Variants in SLC24A2 observed in about 807,000 individuals in gnomAD.
SLC24A2 encodes sodium/potassium/calcium exchanger 2.
A neutral mutation model predicts 62.0 loss-of-function variants in SLC24A2; 36 were observed. The ratio of observed to expected loss-of-function variants is 0.58; its 90% CI spans 0.44 to 0.77. SLC24A2 has a LOEUF of 0.77. Ranked by LOEUF, SLC24A2 falls within the 30% of genes least tolerant of loss-of-function variation. The pLI is 0.00. For synonymous variants in SLC24A2, 358 were observed against 294.0 expected, an observed-to-expected ratio of 1.22 and a Z score of -2.23; for missense variants, 846 against 817.9, an observed-to-expected ratio of 1.03 and a Z score of -0.42.
intron 4 of SLC24A2, among the ~76,000 whole-genome samples, chr9:19,610,624 T>C (rs1837129814): frequency 6.6e-6 from 1 of 152,186 alleles, no homozygotes. Context: ...ATATATTCCA[T>C]TATGCAGCAA....
chr9:19,965,165 T>C, the SLC24A2 span, among the ~76,000 whole-genome samples: 7 of 151,944 alleles, frequency 4.6e-5, no homozygotes, highest in African/African-American at 1.7e-4. Context: ...GTAGAAGTAA[T>C]ACCATAACCA....
chr9:19,694,108 T>A (rs371979186), intron 2 of SLC24A2, among the ~76,000 whole-genome samples: 1 of 147,618 alleles, frequency 6.8e-6, no homozygotes, highest in East Asian at 1.9e-4. Flanking sequence ...AAAAAAAAAA[T>A]CCCAAATCTT....
chr9:19,977,040 T>C, the SLC24A2 span, among the ~76,000 whole-genome samples: 4 of 152,062 alleles, frequency 2.6e-5, no homozygotes, highest in Admixed American at 2.0e-4. Flanking sequence ...ATATATGCAA[T>C]ATGTATTTTT....
chr9:19,680,851 TTGTGTGTGTGTG>T (rs72142691), intron 2 of SLC24A2, among the ~76,000 whole-genome samples: 15 of 147,074 alleles, frequency 1.0e-4, no homozygotes, highest in Middle Eastern at 3.4e-3. Context: ...TATACCAGAG[TTGTGTGTGTGTG>T]TGTGTGTGTG....
At chr9:19,651,006 C>T (rs917629468) in intron 2 of SLC24A2, among the ~76,000 whole-genome samples, 1 of 152,086 alleles carries the variant, frequency 6.6e-6, no homozygotes, top group African/African-American at 2.4e-5. Context: ...ATCTATACTC[C>T]TCACAGATAA....
At chr9:19,775,675 A>C (rs1337129431) in intron 2 of SLC24A2, among the ~76,000 whole-genome samples, 1 of 152,212 alleles carries the variant, frequency 6.6e-6, no homozygotes, top group African/African-American at 2.4e-5. Flanking sequence ...TACTAAAAGG[A>C]AAAGCTGAGG....
chr9:20,253,577 G>A, the SLC24A2 span, among the ~76,000 whole-genome samples: 637 of 152,256 alleles, frequency 4.2e-3, 3 homozygotes, highest in African/African-American at 0.015. Context: ...TTTATAAAAT[G>A]TGATGTCCAG....
chr9:19,952,305 C>A, the SLC24A2 span, among the ~76,000 whole-genome samples: 3 of 151,976 alleles, frequency 2.0e-5, no homozygotes, highest in Non-Finnish European at 4.4e-5. Flanking sequence ...GGCTTTTATT[C>A]ATTTCTCTTG....
chr9:19,683,948 T>G (rs1819798538), intron 2 of SLC24A2, among the ~76,000 whole-genome samples: 1 of 151,822 alleles, frequency 6.6e-6, no homozygotes, highest in African/African-American at 2.4e-5. Flanking sequence ...TCCTGGGGAG[T>G]AGCCCTTGGA....
the SLC24A2 span, among the ~76,000 whole-genome samples, chr9:20,278,940 A>C: frequency 6.6e-6 from 1 of 152,192 alleles, no homozygotes; most frequent in African/African-American, 2.4e-5. Context: ...CAGTTCCACA[A>C]GGATTAGGAG....
At chr9:19,695,351 T>TTTGGAATATGATTGGCTTGCCTTTTACCA (rs1202105351) in intron 2 of SLC24A2, among the ~76,000 whole-genome samples, 1 of 152,092 alleles carries the variant, frequency 6.6e-6, no homozygotes, top group Non-Finnish European at 1.5e-5. Context: ...TCTTTTGGGC[T>TTTGGAATATGATTGGCTTGCCTTTTACCA]TTGGAATATG....
chr9:20,120,532 G>T, the SLC24A2 span, among the ~76,000 whole-genome samples: 3 of 152,118 alleles, frequency 2.0e-5, no homozygotes, highest in Admixed American at 2.0e-4. Flanking sequence ...GGGAAAAATA[G>T]ACACTAGGGC....
At chr9:19,639,843 C>T (rs1288442742) in intron 2 of SLC24A2, among the ~76,000 whole-genome samples, 2 of 152,192 alleles carry the variant, frequency 1.3e-5, no homozygotes, top group Admixed American at 6.5e-5. Context: ...GGAAGCAAAC[C>T]AACCTTTGAA....
intron 9 of SLC24A2, among the ~76,000 whole-genome samples, chr9:19,523,331 TCA>T (rs1250323785): frequency 6.6e-6 from 1 of 152,202 alleles, no homozygotes; most frequent in Non-Finnish European, 1.5e-5. Context: ...TCCCTGAGTC[TCA>T]GTCTTTCCTA....
At chr9:19,880,594 A>C in the SLC24A2 span, among the ~76,000 whole-genome samples, 32 of 152,296 alleles carry the variant, frequency 2.1e-4, no homozygotes, top group Non-Finnish European at 4.0e-4. Context: ...TAGCTACAGA[A>C]AAGGTGAAAA....
At chr9:19,572,780 G>T (rs946308717) in intron 7 of SLC24A2, among the ~76,000 whole-genome samples, 2 of 152,216 alleles carry the variant, frequency 1.3e-5, no homozygotes, top group African/African-American at 4.8e-5. Flanking sequence ...ACAACTACTA[G>T]ACTGAAAAGT....
Position 19,781,374 on chromosome 9 carries a change from T to G in SLC24A2, c.930+4563A>C, listed in dbSNP as rs1038856553. On this transcript the variant is annotated intron_variant, in intron 2 of 10. Coordinates refer to ENST00000341998, the MANE Select transcript of SLC24A2 (RefSeq NM_020344.4). ...AGGACAAAGAGAGGAATAGATGAAG[T>G]AGGGGAAGGTGGAAGGGAGAGATAA... is the stretch of plus-strand genomic sequence containing the variant. 8.0e-5 allele frequency among the ~76,000 whole-genome samples: 11 copies of G among 137,246 alleles called. No individual in the cohort carries two copies. The East Asian group carries it at 2.1e-3, about 26-fold the overall frequency. 90.0% of individuals were successfully genotyped at this position (137,246 alleles called of 152,430 possible).
At chr9:19,792,260 T>G (rs936003561), upstream of SLC24A2, among the ~76,000 whole-genome samples, 3 of 152,224 alleles carry the variant, frequency 2.0e-5, no homozygotes, top group Non-Finnish European at 4.4e-5. Flanking sequence ...TTATATTTTA[T>G]AATTTCAGGA....
At chr9:19,747,354 C>T (rs1251092981) in intron 2 of SLC24A2, among the ~76,000 whole-genome samples, 1 of 152,044 alleles carries the variant, frequency 6.6e-6, no homozygotes, top group Non-Finnish European at 1.5e-5. Flanking sequence ...TAAAACATTT[C>T]TATAATAGGT....
Sources: allele counts gnomAD v4.1 joint callset (sites outside exome capture counted in the v4.1 genomes callset), GRCh38; gene constraint gnomAD v4.1.1; transcripts MANE v1.5; gene names NCBI Gene and HGNC (gene_info 2026-07-23, HGNC 2026-07-21).